Variants in HTR1B observed in about 807,000 individuals in gnomAD.
HTR1B encodes 5-hydroxytryptamine (serotonin) receptor 1B, G protein-coupled.
HTR1B carries 12 observed loss-of-function variants against 25.3 expected under a neutral mutation model. The observed-to-expected ratio is 0.47, with a 90% CI of 0.30 to 0.77. The LOEUF is 0.77. HTR1B is among the 30% of genes least tolerant of loss of function. The pLI, the probability that HTR1B is intolerant of heterozygous loss-of-function variation, is 0.06. For synonymous variants in HTR1B, 224 were observed against 219.1 expected (o/e 1.02, Z -0.20); for missense variants, 453 against 503.0 (o/e 0.90, Z 0.95).
At position 77,462,217 on chromosome 6, in the gene HTR1B, C is replaced by T. The variant is rs1186882420; in HGVS notation, c.*14G>A. On this transcript the variant is annotated 3_prime_UTR_variant, in exon 1 of 1. Coordinates refer to ENST00000369947, the MANE Select transcript of HTR1B (RefSeq NM_000863.3). This position sits in a 1 kb window ranked among gnomAD's most constrained non-coding sequence, Gnocchi z 4.9. The stretch of plus-strand genomic sequence containing the variant: ...CCCAAAGGTCGCTTAGGCGACCCCA[C>T]TGCAAACGGCAAGTCAACTTGTGCA... The T allele has an allele frequency of 1.9e-6, 3 of 1,592,402 alleles. No homozygotes were observed. In the Admixed American group the frequency reaches 5.1e-5, roughly 27 times the overall value.
In HTR1B at chr6:77,463,332, G is replaced by A. The variant is rs1189183086; in HGVS notation, c.72C>T (p.Asn24=). Residue 24 remains asparagine (N), a synonymous_variant, in exon 1 of 1, where the codon AAC becomes AAT. Transcript: ENST00000369947. The part of the protein sequence containing the change: ...AGSETWVPQA[N]LSSAPSQNCS... ...AGTTTTGGGAGGGAGCAGAGGATAA[G>A]TTGGCTTGAGGAACCCAGGTCTCGG... 1.2e-6 allele frequency: 2 copies of A among 1,614,202 alleles called. No homozygotes were observed. Among genetic ancestry groups the A allele is most frequent in the South Asian group, 2.2e-5 (2 of 91,084 alleles).
chr6:77,461,338 T>C lies in HTR1B; in HGVS notation c.*893A>G, dbSNP rs1320380634. Among the ~76,000 whole-genome samples, 1 of 152,170 alleles carries C rather than the reference T, an allele frequency of 6.6e-6. No homozygotes were observed. Among genetic ancestry groups the C allele is most frequent in the Admixed American group, 6.5e-5 (1 of 15,278 alleles). On this transcript the variant is annotated 3_prime_UTR_variant, in exon 1 of 1. Transcript: ENST00000369947. ...AGTCACCCATCATACCCTTCATTTA[T>C]GGGGATTTAAATGTGTAAAGTGACA...
rs1766148648 is a variant in HTR1B at position 77,462,264 on chromosome 6, G to C, written c.1140C>G (p.Phe380Leu). 6.2e-7 allele frequency: 1 copy of C among 1,613,956 alleles called. No homozygotes were observed. Among genetic ancestry groups the C allele is most frequent in the South Asian group, 1.1e-5 (1 of 91,066 alleles). ...TGCACTTAAAACGTATCAGTTTATG[G>C]AATGCTTGTTTAAAGTCCTCATTGG... ...TMSNEDFKQA[F>L]HKLIRFKCTS The change falls in exon 1 of 1, where the codon TTC becomes TTG. Residue 380 changes from phenylalanine (F) to leucine (L), a missense_variant. By Grantham distance (22) the Phe-to-Leu change is conservative. Transcript: ENST00000369947. The surrounding 1 kb of genome is among the most constrained non-coding windows in gnomAD (Gnocchi z 4.9).
In HTR1B at chr6:77,463,372, G is replaced by A. The variant is rs1484569492; in HGVS notation, c.32C>T (p.Pro11Leu). 2 of 1,613,530 alleles carry A rather than the reference G, an allele frequency of 1.2e-6. No homozygotes were observed. Among genetic ancestry groups the A allele is most frequent in the South Asian group, 1.1e-5 (1 of 91,044 alleles). The change falls in exon 1 of 1, where the codon CCG becomes CTG. Residue 11 changes from proline (P) to leucine (L), a missense_variant. By Grantham distance (98) the Pro-to-Leu change is moderately conservative. Transcript: ENST00000369947. ...CCAGGTCTCGGAGCCCGCGGGCGGC[G>A]GTGGAGCGCACTGAGCACCCGGTTC... MEEPGAQCAP[P>L]PPAGSETWVP...
rs144949072 is a variant in HTR1B, at chr6:77,461,928, C to A, written c.*303G>T. The A allele has an allele frequency of 5.3e-4, 169 of 319,422 alleles. No homozygotes were observed. Among genetic ancestry groups the A allele is most frequent in the African/African-American group, 2.6e-3 (125 of 47,396 alleles). The allele number at this position is 319,422 out of a possible 1,614,324, so 19.8% of individuals were successfully genotyped here. A position where few individuals can be genotyped will look rare whatever the true frequency, so the allele number is the denominator to read the frequency against. ...CAGGGCAGGGATTCCCTTCCATTATCAATTTTTAAAAGTTGCAACCCCCTT... is the reference window on the plus strand; with the variant it reads ...CAGGGCAGGGATTCCCTTCCATTATAAATTTTTAAAAGTTGCAACCCCCTT... On this transcript the variant is annotated 3_prime_UTR_variant, in exon 1 of 1. Coordinates refer to ENST00000369947, the MANE Select transcript of HTR1B (RefSeq NM_000863.3).
chr6:77,463,065 G>T lies in HTR1B; in HGVS notation c.339C>A (p.Gly113=). 1 of 1,614,198 alleles carries T rather than the reference G, an allele frequency of 6.2e-7. No individual in the cohort carries two copies. The highest frequency in any genetic ancestry group is 1.1e-5 in the South Asian group (1 of 91,090). Residue 113 remains glycine, a synonymous_variant, in exon 1 of 1, where the codon GGC becomes GGA. Coordinates refer to ENST00000369947, the MANE Select transcript of HTR1B (RefSeq NM_000863.3). ...AGACCACCTGGCCCAGTGTCCAGCG[G>T]CCGGTGACAGTGTACATGGTGCTGA... is the stretch of plus-strand genomic sequence containing the variant. ...MPISTMYTVT[G]RWTLGQVVCD... is the part of the protein sequence containing the mutation.
rs199762512 is a variant in HTR1B at position 77,462,673 on chromosome 6, G to C, written c.731C>G (p.Pro244Arg). Residue 244 changes from proline to arginine, a missense_variant, in exon 1 of 1, where the codon CCC becomes CGC. Physicochemically the swap from Pro to Arg is moderately radical, Grantham distance 103 (BLOSUM62 -2). Around this residue, in one of 3 missense-constraint regions of HTR1B, gnomAD observed 289 missense variants for 319.6 expected, o/e 0.90. Transcript: ENST00000369947. The surrounding 1 kb of genome is among the most constrained non-coding windows in gnomAD (Gnocchi z 4.9). Reference sequence around the variant, plus strand: ...GGTCAAGCGCTTGCCGGTCCTGTTGGGCGTCTGTTTCAAAATCCGGGAGCG... The same window carrying C: ...GGTCAAGCGCTTGCCGGTCCTGTTGCGCGTCTGTTTCAAAATCCGGGAGCG... ...EARSRILKQTPNRTGKRLTRA... is the reference protein window; with the variant it reads ...EARSRILKQTRNRTGKRLTRA... 5.0e-6 allele frequency: 8 copies of C among 1,613,392 alleles called. No individual in the cohort carries two copies. The highest frequency in any genetic ancestry group is 6.8e-6 in the Non-Finnish European group (8 of 1,180,026).
chr6:77,461,234 T>C lies in HTR1B; in HGVS notation c.*997A>G, dbSNP rs1007372969. On this transcript the variant is annotated 3_prime_UTR_variant, in exon 1 of 1. Transcript: ENST00000369947. Reference sequence around the variant, plus strand: ...GGATAAGAAATAAAGACACTTTTCTTGTTAAGAAACAGTATATTTCCAATA... The same window carrying C: ...GGATAAGAAATAAAGACACTTTTCTCGTTAAGAAACAGTATATTTCCAATA... 6.6e-6 allele frequency among the ~76,000 whole-genome samples: 1 copy of C among 152,242 alleles called. No individual in the cohort carries two copies. The highest frequency in any genetic ancestry group is 1.5e-5 in the Non-Finnish European group (1 of 68,050).
In HTR1B at chr6:77,462,705, T is replaced by G. The variant is rs751622735; in HGVS notation, c.699A>C (p.Val233=). 6.2e-7 allele frequency: 1 copy of G among 1,613,634 alleles called. No homozygotes were observed. Among genetic ancestry groups the G allele is most frequent in the African/African-American group, 1.3e-5 (1 of 74,900 alleles). Residue 233 remains valine, a synonymous_variant, in exon 1 of 1, where the codon GTA becomes GTC. Transcript: ENST00000369947. The surrounding 1 kb of genome is among the most constrained non-coding windows in gnomAD (Gnocchi z 4.9). ...LLIALYGRIY[V]EARSRILKQT... Reference sequence around the variant, plus strand: ...GTTTCAAAATCCGGGAGCGGGCTTCTACGTAGATGCGGCCATAGAGGGCGA... The same window carrying G: ...GTTTCAAAATCCGGGAGCGGGCTTCGACGTAGATGCGGCCATAGAGGGCGA...
Position 77,462,048 on chromosome 6 carries a change from A to T in HTR1B, c.*183T>A. ...CAGGGAAGCTCTACATTTAGTTTCA[A>T]CACTTCTCCTTTCAGAGCTCTCTCT... On this transcript the variant is annotated 3_prime_UTR_variant, in exon 1 of 1. Transcript: ENST00000369947. The surrounding 1 kb of genome is among the most constrained non-coding windows in gnomAD (Gnocchi z 4.9). 1 of 587,246 alleles carries T rather than the reference A, an allele frequency of 1.7e-6. No homozygotes were observed. Among genetic ancestry groups the T allele is most frequent in the East Asian group, 2.8e-5 (1 of 35,370 alleles). 36.4% of individuals were successfully genotyped at this position (587,246 alleles called of 1,614,324 possible). A position where few individuals can be genotyped will look rare whatever the true frequency, so the allele number is the denominator to read the frequency against.
Position 77,462,962 on chromosome 6 carries a change from A to G in HTR1B, c.442T>C (p.Tyr148His). Reference protein sequence around the residue: ...LHLCVIALDRYWAITDAVEYS... With the variant: ...LHLCVIALDRHWAITDAVEYS... ...TCCACGGCGTCCGTGATGGCCCAGTAGCGGTCCAGGGCGATGACACAGAGG... is the reference window on the plus strand; with the variant it reads ...TCCACGGCGTCCGTGATGGCCCAGTGGCGGTCCAGGGCGATGACACAGAGG... The change falls in exon 1 of 1, where the codon TAC (tyrosine) becomes CAC (histidine). Residue 148 changes from tyrosine to histidine, a missense_variant. Physicochemically the swap from Tyr to His is moderately conservative, Grantham distance 83 (BLOSUM62 2). This residue lies in a region of HTR1B where 289 missense variants were observed against 319.6 expected (regional missense o/e 0.90). Coordinates refer to ENST00000369947, the MANE Select transcript of HTR1B (RefSeq NM_000863.3). The surrounding 1 kb of genome is among the most constrained non-coding windows in gnomAD (Gnocchi z 4.9). 6.2e-7 allele frequency: 1 copy of G among 1,614,080 alleles called. No individual in the cohort carries two copies. Among genetic ancestry groups the G allele is most frequent in the Non-Finnish European group, 8.5e-7 (1 of 1,180,046 alleles).
Position 77,462,735 on chromosome 6 carries a change from G to C in HTR1B, c.669C>G (p.Leu223=), listed in dbSNP as rs1374362932. 2.5e-6 allele frequency: 4 copies of C among 1,613,864 alleles called. No homozygotes were observed. In the East Asian group the frequency reaches 8.9e-5, roughly 36 times the overall value. The change falls in exon 1 of 1, where the codon CTC becomes CTG. Residue 223 remains leucine (L), a synonymous_variant. Transcript: ENST00000369947. This position sits in a 1 kb window ranked among gnomAD's most constrained non-coding sequence, Gnocchi z 4.9. ...TVGAFYFPTL[L]LIALYGRIYV... is the part of the protein sequence containing the mutation. ...AGATGCGGCCATAGAGGGCGATGAG[G>C]AGCAGGGTGGGGAAGTAGAAAGCAC...
chr6:77,462,515 C>T lies in HTR1B; in HGVS notation c.889G>A (p.Ala297Thr), dbSNP rs200757538. ...VNQVKVRVSD[A>T]LLEKKKLMAA... is the part of the protein sequence containing the mutation. ...ATGAGTTTCTTCTTTTCCAGCAGGG[C>T]GTCGGAGACTCGCACTTTGACTTGG... is the stretch of plus-strand genomic sequence containing the variant. Residue 297 changes from alanine to threonine, a missense_variant, in exon 1 of 1, where the codon GCC becomes ACC. This residue lies in a region of HTR1B where 289 missense variants were observed against 319.6 expected (regional missense o/e 0.90). Transcript: ENST00000369947. This position sits in a 1 kb window ranked among gnomAD's most constrained non-coding sequence, Gnocchi z 4.9. The T allele has an allele frequency of 6.2e-7, 1 of 1,613,744 alleles. No individual in the cohort carries two copies. Among genetic ancestry groups the T allele is most frequent in the Non-Finnish European group, 8.5e-7 (1 of 1,180,006 alleles).
In HTR1B at chr6:77,463,229, T is replaced by G; in HGVS notation, c.175A>C (p.Ile59Leu). 1 of 1,614,258 alleles carries G rather than the reference T, an allele frequency of 6.2e-7. No individual in the cohort carries two copies. ...TTGGAGAGCGTGGTGGCCAAGGTGA[T>G]GAGCGCCAATAGCATAACCAGCAGT... The part of the protein sequence containing the change: ...KVLLVMLLAL[I>L]TLATTLSNAF... The change falls in exon 1 of 1, where the codon ATC (isoleucine) becomes CTC (leucine). Residue 59 changes from isoleucine to leucine, a missense_variant. This residue lies in a region of HTR1B where 129 missense variants were observed against 118.3 expected (regional missense o/e 1.09). Transcript: ENST00000369947.
chr6:77,463,364 CGGGCGGCGGTGG>C lies in HTR1B; in HGVS notation c.28_39del (p.Pro10_Pro13del). Reference sequence around the variant, plus strand: ...TGAGGAACCCAGGTCTCGGAGCCCGCGGGCGGCGGTGGAGCGCACTGAGCACCCGGTTCCTCC... The same window carrying C: ...TGAGGAACCCAGGTCTCGGAGCCCGCAGCGCACTGAGCACCCGGTTCCTCC... On this transcript the variant is annotated inframe_deletion, in exon 1 of 1. Transcript: ENST00000369947. The C allele has an allele frequency of 6.2e-7, 1 of 1,613,798 alleles. No individual in the cohort carries two copies. Among genetic ancestry groups the C allele is most frequent in the East Asian group, 2.2e-5 (1 of 44,870 alleles).
rs1766160010 is a variant in HTR1B at position 77,462,813 on chromosome 6, C to T, written c.591G>A (p.Ser197=). 2.5e-6 allele frequency: 4 copies of T among 1,614,020 alleles called. No individual in the cohort carries two copies. Among genetic ancestry groups the T allele is most frequent in the Non-Finnish European group, 3.4e-6 (4 of 1,180,022 alleles). ...WRQAKAEEEV[S]ECVVNTDHIL... ...TGTGGTCGGTGTTCACCACGCATTC[C>T]GACACCTCCTCTTCGGCCTTAGCCT... is the stretch of plus-strand genomic sequence containing the variant. Residue 197 remains serine, a synonymous_variant, in exon 1 of 1, where the codon TCG becomes TCA. Transcript: ENST00000369947. This position sits in a 1 kb window ranked among gnomAD's most constrained non-coding sequence, Gnocchi z 4.9.
chr6:77,463,482 T>C lies in HTR1B; in HGVS notation c.-79A>G, dbSNP rs1435371743. 5 of 1,253,690 alleles carry C rather than the reference T, an allele frequency of 4.0e-6. No homozygotes were observed. The Admixed American group carries it at 1.1e-4, about 27-fold the overall frequency. The allele number at this position is 1,253,690 out of a possible 1,614,324, so 77.7% of individuals were successfully genotyped here. ...GGAGAGGGCGGAAGGACCGTGGCGA[T>C]CGCAGGTTTGTCCCCAGTTGATAGT... is the stretch of plus-strand genomic sequence containing the variant. On this transcript the variant is annotated 5_prime_UTR_variant, in exon 1 of 1. Coordinates refer to ENST00000369947, the MANE Select transcript of HTR1B (RefSeq NM_000863.3).
Position 77,463,454 on chromosome 6 carries a change from G to A in HTR1B, c.-51C>T, listed in dbSNP as rs748151504. 1.3e-6 allele frequency: 2 copies of A among 1,487,930 alleles called. No individual in the cohort carries two copies. The highest frequency in any genetic ancestry group is 1.4e-5 in the African/African-American group (1 of 72,420). The allele number at this position is 1,487,930 out of a possible 1,614,324, so 92.2% of individuals were successfully genotyped here. On this transcript the variant is annotated 5_prime_UTR_variant, in exon 1 of 1. Coordinates refer to ENST00000369947, the MANE Select transcript of HTR1B (RefSeq NM_000863.3). ...CGCAGCTCTTGGGCATGGAGCGGAC[G>A]AAGGAGAGGGCGGAAGGACCGTGGC...
rs1766165178 is a variant in HTR1B at position 77,463,063 on chromosome 6, C to T, written c.341G>A (p.Arg114His). ...ACAGACCACCTGGCCCAGTGTCCAG[C>T]GGCCGGTGACAGTGTACATGGTGCT... Reference protein sequence around the residue: ...PISTMYTVTGRWTLGQVVCDF... With the variant: ...PISTMYTVTGHWTLGQVVCDF... The change falls in exon 1 of 1, where the codon CGC becomes CAC. Residue 114 changes from arginine to histidine, a missense_variant. Arg to His is a conservative substitution (Grantham distance 29). Coordinates refer to ENST00000369947, the MANE Select transcript of HTR1B (RefSeq NM_000863.3). 1 of 1,614,082 alleles carries T rather than the reference C, an allele frequency of 6.2e-7. No individual in the cohort carries two copies. Among genetic ancestry groups the T allele is most frequent in the African/African-American group, 1.3e-5 (1 of 74,942 alleles).
Sources: allele counts gnomAD v4.1 joint callset (sites outside exome capture counted in the v4.1 genomes callset), GRCh38; gene constraint gnomAD v4.1.1; regional missense constraint gnomAD v4.1.1; non-coding constraint Gnocchi (gnomAD v3.1); transcripts MANE v1.5; gene names NCBI Gene and HGNC (gene_info 2026-07-23, HGNC 2026-07-21).